The following JHY variants were observed in gnomAD, a reference collection of about 807,000 sequenced individuals.
The protein encoded by JHY is junctional cadherin complex regulator, also known as jhy protein homolog.
Under a neutral mutation model 78.0 loss-of-function variants are expected in JHY, and 69 were observed. The observed-to-expected ratio is 0.88, with a 90% CI of 0.73 to 1.08. The LOEUF (loss-of-function observed/expected upper bound fraction) is 1.08, where lower values mean the gene tolerates loss of function less well. JHY is among the 50% of genes least tolerant of loss of function. JHY has a pLI of 0.00. For synonymous variants in JHY, 368 were observed against 342.6 expected (o/e 1.07, Z -0.82); for missense variants, 944 against 927.8 (o/e 1.02, Z -0.23).
rs1476207961 is a variant in JHY, at chr11:122,961,462, C to T, written c.*2017C>T. Among the ~76,000 whole-genome samples the T allele has an allele frequency of 6.6e-6, 1 of 152,106 alleles. No individual in the cohort carries two copies. The highest frequency in any genetic ancestry group is 2.4e-5 in the African/African-American group (1 of 41,428). The stretch of plus-strand genomic sequence containing the variant: ...TGTCTCAGCCTCCCTTCAAGCAATT[C>T]TCCTGTCTCAGCCTCCCGAGTAGCC... On this transcript the variant is annotated 3_prime_UTR_variant, in exon 9 of 9. Coordinates refer to ENST00000227349, the MANE Select transcript of JHY (RefSeq NM_024806.4).
chr11:122,950,898 C>G (rs555247852), intron 6 of JHY, among the ~76,000 whole-genome samples: 129 of 152,334 alleles, frequency 8.5e-4, no homozygotes, highest in African/African-American at 3.1e-3. Context: ...CCCCTTCCTG[C>G]TTTCTATCAG....
At chr11:122,894,759 G>GA (rs1285333670) in intron 2 of JHY, among the ~76,000 whole-genome samples, 4 of 150,216 alleles carry the variant, frequency 2.7e-5, no homozygotes, top group South Asian at 4.2e-4. Context: ...TGTTATCAAA[G>GA]AAAAAAAAAG....
chr11:122,904,081 G>GGA lies in JHY; in HGVS notation c.504_505dup (p.Thr169ArgfsTer29). 1 of 1,614,174 alleles carries GGA rather than the reference G, an allele frequency of 6.2e-7. No homozygotes were observed. Among genetic ancestry groups the GGA allele is most frequent in the Non-Finnish European group, 8.5e-7 (1 of 1,180,030 alleles). ...CTTTGGCTCCCCTCTACCCTTCCCA[G>GGA]GAGACGTCAATGGAACTCTCCGGGG... On this transcript the variant is annotated frameshift_variant, in exon 3 of 9. Transcript: ENST00000227349. LOFTEE classifies it high-confidence loss of function.
chr11:122,889,822 G>T (rs945120193), intron 2 of JHY, among the ~76,000 whole-genome samples: 1 of 152,090 alleles, frequency 6.6e-6, no homozygotes, highest in African/African-American at 2.4e-5. Context: ...GAAGTGGCAC[G>T]ATCTTGGCTC....
chr11:122,912,077 A>G (rs2135320717), intron 3 of JHY, among the ~76,000 whole-genome samples: 1 of 152,058 alleles, frequency 6.6e-6, no homozygotes, highest in East Asian at 1.9e-4. Flanking sequence ...ACCTGAAGTC[A>G]GGAGTTGGAG....
chr11:122,912,889 C>A (rs1000239161), intron 3 of JHY, among the ~76,000 whole-genome samples: 2 of 151,928 alleles, frequency 1.3e-5, no homozygotes, highest in Non-Finnish European at 1.5e-5. Context: ...AGAATTTATA[C>A]CAAGCTACGG....
intron 6 of JHY, among the ~76,000 whole-genome samples, chr11:122,953,617 AG>A (rs1042893728): frequency 1.3e-5 from 2 of 151,648 alleles, no homozygotes; most frequent in African/African-American, 2.4e-5. Context: ...AAAAAAAAAA[AG>A]AAATGAAATG....
In JHY at chr11:122,946,808, T is replaced by C. The variant is rs940234567; in HGVS notation, c.1929+16T>C. 6.3e-7 allele frequency: 1 copy of C among 1,590,570 alleles called. No individual in the cohort carries two copies. Among genetic ancestry groups the C allele is most frequent in the African/African-American group, 1.4e-5 (1 of 73,638 alleles). ...CAGCAGTAAGGTAATAAAAGCGCCA[T>C]TTTTACCAAGTAACTCTTCCATTTT... On this transcript the variant is annotated intron_variant, in intron 6 of 8. Transcript: ENST00000227349.
At chr11:122,929,995 G>A (rs1158699051) in intron 4 of JHY, among the ~76,000 whole-genome samples, 1 of 152,180 alleles carries the variant, frequency 6.6e-6, no homozygotes, top group Admixed American at 6.5e-5. Context: ...AGGGGACAGA[G>A]GTCAGCATGA....
chr11:122,950,056 A>G (rs748414432), intron 6 of JHY, among the ~76,000 whole-genome samples: 1 of 151,182 alleles, frequency 6.6e-6, no homozygotes, highest in Non-Finnish European at 1.5e-5. Context: ...CTGGTCTCGA[A>G]CTCCTGACCT....
intron 6 of JHY, among the ~76,000 whole-genome samples, chr11:122,949,744 G>A (rs182840614): frequency 2.0e-5 from 3 of 152,030 alleles, no homozygotes; most frequent in Non-Finnish European, 4.4e-5. Flanking sequence ...CCGTGCCCAC[G>A]CTGTGGAATC....
intron 6 of JHY, among the ~76,000 whole-genome samples, chr11:122,953,683 A>C (rs1012548357): frequency 6.6e-6 from 1 of 152,080 alleles, no homozygotes; most frequent in African/African-American, 2.4e-5. Context: ...GAACAGACAG[A>C]TATAATGGAG....
chr11:122,949,235 C>T (rs544716099), intron 6 of JHY, among the ~76,000 whole-genome samples: 276 of 152,168 alleles, frequency 1.8e-3, no homozygotes, highest in African/African-American at 6.4e-3. Context: ...AAGATGGAAG[C>T]GGAGTGGTGG....
chr11:122,889,773 T>C (rs1266161803), intron 2 of JHY, among the ~76,000 whole-genome samples: 1 of 152,198 alleles, frequency 6.6e-6, no homozygotes, highest in Admixed American at 6.5e-5. Context: ...GTTTGTTTGT[T>C]TTGGAGACAG....
intron 2 of JHY, among the ~76,000 whole-genome samples, chr11:122,901,267 T>C (rs1862852189): frequency 6.6e-6 from 1 of 152,192 alleles, no homozygotes; most frequent in African/African-American, 2.4e-5. Context: ...GAATGGAGGT[T>C]GTAGGACTGT....
intron 5 of JHY, among the ~76,000 whole-genome samples, chr11:122,942,064 G>T (rs11218897): frequency 6.6e-6 from 1 of 151,974 alleles, no homozygotes; most frequent in East Asian, 1.9e-4. Flanking sequence ...TAGAGACAGC[G>T]TTTCGCCATG....
At chr11:122,942,657 C>T (rs1036652584) in intron 5 of JHY, among the ~76,000 whole-genome samples, 3 of 152,154 alleles carry the variant, frequency 2.0e-5, no homozygotes, top group Admixed American at 6.5e-5. Flanking sequence ...CTCCTGACCT[C>T]GAGTGATCCA....
Position 122,894,797 on chromosome 11 carries a change from G to A in JHY, c.344+8604G>A, listed in dbSNP as rs553555670. ...CTTTGGTTGGAATTATCCAAATTAT[G>A]TATTTTTATAAATAAAATTCACTAA... On this transcript the variant is annotated intron_variant, in intron 2 of 8. Transcript: ENST00000227349. 1.5e-3 allele frequency among the ~76,000 whole-genome samples: 230 copies of A among 152,266 alleles called. 2 individuals carry two copies. Among genetic ancestry groups the A allele is most frequent in the African/African-American group, 5.2e-3 (218 of 41,564 alleles).
chr11:122,954,301 C>T (rs954263037), intron 6 of JHY, among the ~76,000 whole-genome samples: 2 of 152,134 alleles, frequency 1.3e-5, no homozygotes, highest in African/African-American at 4.8e-5. Flanking sequence ...TACACTGTAC[C>T]CCAGCAAACT....
Sources: allele counts gnomAD v4.1 joint callset (sites outside exome capture counted in the v4.1 genomes callset), GRCh38; gene constraint gnomAD v4.1.1; transcripts MANE v1.5; gene names NCBI Gene and HGNC (gene_info 2026-07-23, HGNC 2026-07-21).